Variants in CDHR1 observed in about 807,000 individuals in gnomAD.
CDHR1 encodes cadherin-related family member 1.
In CDHR1, 61 loss-of-function variants were observed where a neutral mutation model predicts 72.1. That is an observed-to-expected ratio of 0.85 (90% CI 0.69 to 1.05). The LOEUF is 1.05. CDHR1 is among the 50% of genes least tolerant of loss of function. The pLI is 0.00. For missense variants in CDHR1, 1,186 were observed against 1,115.7 expected (o/e 1.06, Z -0.90); for synonymous variants, 470 against 448.1 (o/e 1.05, Z -0.62).
intron 1 of CDHR1, 90 bp downstream of exon 1, chr10:84,194,905 G>A (rs369007715): frequency 2.3e-5 from 29 of 1,256,956 alleles, no homozygotes; most frequent in Admixed American, 4.0e-5. Flanking sequence ...CATGGTCCTG[G>A]ACCACTTCCA....
At chr10:84,204,905 T>C (rs1842197400) in intron 9 of CDHR1, among the ~76,000 whole-genome samples, 1 of 152,198 alleles carries the variant, frequency 6.6e-6, no homozygotes, top group Admixed American at 6.5e-5. Flanking sequence ...CGTGGCAACA[T>C]TTCTCACACT....
Position 84,201,866 on chromosome 10 carries a change from G to A in CDHR1, c.585G>A (p.Gly195=). Reference sequence around the variant, plus strand: ...GCGGTGTGCTGCGCCTCCAGGCTGGGGCCACTCTGGACTACGAGAGGTCCC... The same window carrying A: ...GCGGTGTGCTGCGCCTCCAGGCTGGAGCCACTCTGGACTACGAGAGGTCCC... ...RHSGVLRLQA[G]ATLDYERSRT... Residue 195 remains glycine (G), a synonymous_variant, in exon 7 of 17, where the codon GGG becomes GGA. Transcript: ENST00000623527. 6.2e-7 allele frequency: 1 copy of A among 1,609,436 alleles called. No individual in the cohort carries two copies. The highest frequency in any genetic ancestry group is 8.5e-7 in the Non-Finnish European group (1 of 1,180,004).
chr10:84,213,601 C>T lies in CDHR1; in HGVS notation c.2040+253C>T, dbSNP rs529234697. Among the ~76,000 whole-genome samples, 108 of 152,278 alleles carry T rather than the reference C, an allele frequency of 7.1e-4. No individual in the cohort carries two copies. In the South Asian group the frequency reaches 0.012, roughly 17 times the overall value. On this transcript the variant is annotated intron_variant, in intron 16 of 16. Transcript: ENST00000623527. Reference sequence around the variant, plus strand: ...TTCCTGTAAGATGGGATAAGGATGCCTCCTTCACACGGGTGTTGAAAAGCA... The same window carrying T: ...TTCCTGTAAGATGGGATAAGGATGCTTCCTTCACACGGGTGTTGAAAAGCA...
chr10:84,214,599 T>G lies in CDHR1; in HGVS notation c.2558T>G (p.Val853Gly). The G allele has an allele frequency of 1.3e-6, 2 of 1,599,952 alleles. No individual in the cohort carries two copies. The highest frequency in any genetic ancestry group is 1.7e-6 in the Non-Finnish European group (2 of 1,179,922). ...ELKQKFEKKSVHNKAYF is the reference protein window; with the variant it reads ...ELKQKFEKKSGHNKAYF ...AAGCAAAAGTTTGAGAAGAAGAGTG[T>G]GCACAACAAGGCTTACTTCTAGTGT... The change falls in exon 17 of 17, where the codon GTG becomes GGG. Residue 853 changes from valine to glycine, a missense_variant. Coordinates refer to ENST00000623527, the MANE Select transcript of CDHR1 (RefSeq NM_033100.4).
chr10:84,196,702 C>T (rs566836367), intron 3 of CDHR1, 52 bp downstream of exon 3: 75 of 1,608,646 alleles, frequency 4.7e-5, no homozygotes, highest in Admixed American at 1.0e-4. Context: ...AGACAGACCT[C>T]GGTGGGCTGA....
intron 12 of CDHR1, 90 bp downstream of exon 12, chr10:84,208,971 C>T: frequency 1.5e-6 from 2 of 1,338,934 alleles, no homozygotes; most frequent in Non-Finnish European, 2.1e-6. Context: ...GGTCTCTTGT[C>T]ACTCTCTGCC....
At chr10:84,219,317 C>T (rs918237151), downstream of CDHR1, 14 of 1,543,790 alleles carry the variant, frequency 9.1e-6, no homozygotes, top group South Asian at 1.7e-4. Flanking sequence ...GACCATTTTC[C>T]CTCTCCCTAA....
chr10:84,200,448 C>A (rs916220909), intron 5 of CDHR1, among the ~76,000 whole-genome samples, 153 bp from the exon 6 acceptor site: 1 of 152,214 alleles, frequency 6.6e-6, no homozygotes, highest in Non-Finnish European at 1.5e-5. Context: ...CTGGGCCCAG[C>A]CCCCACTGGG....
chr10:84,214,282 G>T lies in CDHR1; in HGVS notation c.2241G>T (p.Ala747=), dbSNP rs1842389644. 6.2e-7 allele frequency: 1 copy of T among 1,613,740 alleles called. No individual in the cohort carries two copies. The highest frequency in any genetic ancestry group is 1.7e-5 in the Admixed American group (1 of 60,024). ...TGCTCCGCAAGCGGCCCAGCCCTGC[G>T]CCCCGCACCATCCGCATTGAGTGGC... is the stretch of plus-strand genomic sequence containing the variant. ...RRVLRKRPSP[A]PRTIRIEWLK... The change falls in exon 17 of 17, where the codon GCG becomes GCT. Residue 747 remains alanine, a synonymous_variant. Coordinates refer to ENST00000623527, the MANE Select transcript of CDHR1 (RefSeq NM_033100.4).
At chr10:84,203,631 T>C (rs1842171302) in intron 8 of CDHR1, among the ~76,000 whole-genome samples, 1 of 152,144 alleles carries the variant, frequency 6.6e-6, no homozygotes, top group Non-Finnish European at 1.5e-5. Flanking sequence ...GGCCAGGCTG[T>C]TCTGGAACTC....
chr10:84,200,532 CT>C, intron 5 of CDHR1, 68 bp from the exon 6 acceptor site: 1 of 1,043,376 alleles, frequency 9.6e-7, no homozygotes, highest in Non-Finnish European at 1.5e-6. Flanking sequence ...CTGCATGCCC[CT>C]ATGCCTCTGT....
chr10:84,216,984 T>G lies in CDHR1; in HGVS notation c.*2363T>G, dbSNP rs1842435954. On this transcript the variant is annotated 3_prime_UTR_variant, in exon 17 of 17. Transcript: ENST00000623527. ...TGGATCCGGGACCGAGGGTGGTCTC[T>G]TGGACAACCCCAGGAACTTGGACCA... 3.0e-6 allele frequency: 3 copies of G among 985,476 alleles called. No individual in the cohort carries two copies. Among genetic ancestry groups the G allele is most frequent in the Middle Eastern group, 5.2e-4 (1 of 1,914 alleles). The allele number at this position is 985,476 out of a possible 1,614,324, so 61.0% of individuals were successfully genotyped here. A position where few individuals can be genotyped will look rare whatever the true frequency, so the allele number is the denominator to read the frequency against.
intron 3 of CDHR1, among the ~76,000 whole-genome samples, chr10:84,197,264 C>T (rs970120946): frequency 6.6e-6 from 1 of 152,038 alleles, no homozygotes; most frequent in Admixed American, 6.6e-5. Flanking sequence ...AGCAGTGGAG[C>T]CTGACTGTGC....
chr10:84,214,010 A>G, intron 16 of CDHR1, 72 bp from the exon 17 acceptor site: 1 of 1,598,900 alleles, frequency 6.3e-7, no homozygotes, highest in South Asian at 1.1e-5. Flanking sequence ...GGCTTAAGGA[A>G]GCACATACCT....
intron 1 of CDHR1, 33 bp downstream of exon 1, chr10:84,194,848 G>C: frequency 6.5e-7 from 1 of 1,530,244 alleles, no homozygotes; most frequent in Non-Finnish European, 8.7e-7. Context: ...TGGCCGCGTG[G>C]ATGGCGAGGG....
rs1182826855 is a variant in CDHR1 at position 84,215,274 on chromosome 10, G to A, written c.*653G>A. ...GACCCTGGTATGCCCACGTGGGACA[G>A]AGGACACAGAGGTGGAAGATTGATC... On this transcript the variant is annotated 3_prime_UTR_variant, in exon 17 of 17. Coordinates refer to ENST00000623527, the MANE Select transcript of CDHR1 (RefSeq NM_033100.4). 1 of 989,086 alleles carries A rather than the reference G, an allele frequency of 1.0e-6. No individual in the cohort carries two copies. The highest frequency in any genetic ancestry group is 1.2e-6 in the Non-Finnish European group (1 of 832,238). 61.3% of individuals were successfully genotyped at this position (989,086 alleles called of 1,614,324 possible).
intron 15 of CDHR1, chr10:84,212,730 T>C: frequency 1.9e-6 from 1 of 521,382 alleles, no homozygotes; most frequent in Non-Finnish European, 3.5e-6. Flanking sequence ...GCAAAAAGGA[T>C]GAACTCTGAA....
Position 84,200,674 on chromosome 10 carries a change from C to A in CDHR1, c.512C>A (p.Thr171Asn). The A allele has an allele frequency of 9.3e-6, 15 of 1,610,346 alleles. No individual in the cohort carries two copies. The highest frequency in any genetic ancestry group is 1.2e-5 in the Non-Finnish European group (14 of 1,178,142). Residue 171 changes from threonine to asparagine, a missense_variant, in exon 6 of 17, where the codon ACC becomes AAC. Physicochemically the swap from Thr to Asn is moderately conservative, Grantham distance 65. Transcript: ENST00000623527. ...DRDTGSGGSV[T>N]YFLQNLHSPF... Reference sequence around the variant, plus strand: ...GACACAGGCTCTGGAGGGAGTGTCACCTACTTCCTGCAGGTAAGGCAGGAC... The same window carrying A: ...GACACAGGCTCTGGAGGGAGTGTCAACTACTTCCTGCAGGTAAGGCAGGAC...
chr10:84,215,706 C>T lies in CDHR1; in HGVS notation c.*1085C>T, dbSNP rs536083433. The T allele has an allele frequency of 3.0e-6, 3 of 985,390 alleles. No individual in the cohort carries two copies. Among genetic ancestry groups the T allele is most frequent in the East Asian group, 2.3e-4 (2 of 8,808 alleles). 61.0% of individuals were successfully genotyped at this position (985,390 alleles called of 1,614,324 possible). The stretch of plus-strand genomic sequence containing the variant: ...TGAATGCAAAGTATTTTTCTGCAGC[C>T]CAGTTCTGTGGGTGCAGCTCTTCCA... On this transcript the variant is annotated 3_prime_UTR_variant, in exon 17 of 17. Coordinates refer to ENST00000623527, the MANE Select transcript of CDHR1 (RefSeq NM_033100.4).
Sources: allele counts gnomAD v4.1 joint callset (sites outside exome capture counted in the v4.1 genomes callset), GRCh38; gene constraint gnomAD v4.1.1; transcripts MANE v1.5; gene names NCBI Gene and HGNC (gene_info 2026-07-23, HGNC 2026-07-21).